CELF2: variants seen among roughly 807,000 people sequenced by gnomAD.
CELF2 encodes CUG triplet repeat RNA-binding protein 2.
CELF2 carries 8 observed loss-of-function variants against 62.6 expected under a neutral mutation model. That is an observed-to-expected ratio of 0.13 (90% CI 0.07 to 0.23). CELF2 has a LOEUF of 0.23. Among genes scored for constraint, CELF2 ranks in the 10% least tolerant of loss-of-function variants. The pLI is 1.00. For missense variants in CELF2, 333 were observed against 671.0 expected, an observed-to-expected ratio of 0.50 and a Z score of 5.56; for synonymous variants, 258 against 250.0, an observed-to-expected ratio of 1.03 and a Z score of -0.30.
chr10:11,019,620 G>A (rs2057978089), intron 1 of CELF2, among the ~76,000 whole-genome samples: 1 of 152,058 alleles, frequency 6.6e-6, no homozygotes, highest in Non-Finnish European at 1.5e-5. Flanking sequence ...TGGAGGAGGG[G>A]GATGATAGAA....
chr10:11,236,124 C>G (rs1322388837), intron 3 of CELF2, among the ~76,000 whole-genome samples: 2 of 152,224 alleles, frequency 1.3e-5, no homozygotes, highest in African/African-American at 4.8e-5. Flanking sequence ...GCAACTCAGA[C>G]AACTCAGGAC....
chr10:10,841,523 T>A (rs1322744501), intron 1 of CELF2, among the ~76,000 whole-genome samples: 1 of 151,906 alleles, frequency 6.6e-6, no homozygotes, highest in Non-Finnish European at 1.5e-5. Context: ...TACCATTCTT[T>A]CCCCATTGAA....
At chr10:11,054,522 T>TG (rs2064776390) in intron 1 of CELF2, among the ~76,000 whole-genome samples, 1 of 151,544 alleles carries the variant, frequency 6.6e-6, no homozygotes, top group African/African-American at 2.4e-5. Flanking sequence ...TGTGTGTGTG[T>TG]TAATAGGACC....
chr10:10,571,826 C>A, the CELF2 span, among the ~76,000 whole-genome samples: 2 of 152,064 alleles, frequency 1.3e-5, no homozygotes, highest in Non-Finnish European at 2.9e-5. Flanking sequence ...TAGGCACGGA[C>A]GGAATTCTAT....
rs1032915075 is a variant in CELF2, at chr10:11,117,523, G to T, written c.75-47963G>T. The stretch of plus-strand genomic sequence containing the variant: ...CTAGAGGCCACTCCTTTAGACCTAG[G>T]TCCATCTTGAGGTGTTGTTATACAG... On this transcript the variant is annotated intron_variant, in intron 1 of 12. Transcript: ENST00000633077. This position sits in a 1 kb window ranked among gnomAD's most constrained non-coding sequence, Gnocchi z 4.1. 1.3e-5 allele frequency among the ~76,000 whole-genome samples: 2 copies of T among 152,090 alleles called. No individual in the cohort carries two copies. The highest frequency in any genetic ancestry group is 4.8e-5 in the African/African-American group (2 of 41,378).
At chr10:10,696,282 C>T in the CELF2 span, among the ~76,000 whole-genome samples, 21 of 151,672 alleles carry the variant, frequency 1.4e-4, no homozygotes, top group Non-Finnish European at 2.8e-4. Context: ...TCAGTGTGCC[C>T]CTGCTGGGGG....
the CELF2 span, among the ~76,000 whole-genome samples, chr10:10,485,495 T>C: frequency 1.3e-5 from 2 of 152,206 alleles, no homozygotes; most frequent in African/African-American, 4.8e-5. Flanking sequence ...GACAAATACA[T>C]GCAAGGCTGC....
At chr10:10,754,292 G>A in the CELF2 span, among the ~76,000 whole-genome samples, 12 of 151,832 alleles carry the variant, frequency 7.9e-5, no homozygotes, top group East Asian at 1.5e-3. Flanking sequence ...CTGTAAGTAC[G>A]TGCCTCGATG....
chr10:10,755,261 C>G, the CELF2 span, among the ~76,000 whole-genome samples: 2 of 152,196 alleles, frequency 1.3e-5, no homozygotes, highest in Non-Finnish European at 2.9e-5. Flanking sequence ...AGAGTGAGAA[C>G]ATGAGTTTCT....
In CELF2 at chr10:11,110,821, C is replaced by T. The variant is rs528803521; in HGVS notation, c.75-54665C>T. Among the ~76,000 whole-genome samples the T allele has an allele frequency of 2.8e-4, 42 of 152,280 alleles. No individual in the cohort carries two copies. The South Asian group carries it at 6.2e-3, about 23-fold the overall frequency. On this transcript the variant is annotated intron_variant, in intron 1 of 12. Coordinates refer to ENST00000633077, the MANE Select transcript of CELF2 (RefSeq NM_001326342.2). This position sits in a 1 kb window ranked among gnomAD's most constrained non-coding sequence, Gnocchi z 4.0. Reference sequence around the variant, plus strand: ...AAGGAACTGCAACCCTGACCTTAACCACCACCTCATTTCATGCCCGAGAGC... The same window carrying T: ...AAGGAACTGCAACCCTGACCTTAACTACCACCTCATTTCATGCCCGAGAGC...
chr10:10,616,526 A>G, the CELF2 span, among the ~76,000 whole-genome samples: 3 of 151,922 alleles, frequency 2.0e-5, no homozygotes, highest in Non-Finnish European at 2.9e-5. Flanking sequence ...TATAAATGGG[A>G]TTCTATAGAA....
At chr10:10,803,610 T>C (rs564418598) in intron 1 of CELF2, among the ~76,000 whole-genome samples, 1 of 152,348 alleles carries the variant, frequency 6.6e-6, no homozygotes, top group Admixed American at 6.5e-5. Flanking sequence ...ATGGACTGAA[T>C]CATAGGCAAC....
chr10:11,221,410 ATAAAG>A (rs1352128584), intron 3 of CELF2, among the ~76,000 whole-genome samples: 1 of 152,260 alleles, frequency 6.6e-6, no homozygotes, highest in Non-Finnish European at 1.5e-5. Context: ...CAATTAAAAA[ATAAAG>A]TAAAATAGAG....
chr10:10,793,204 C>G, the CELF2 span, among the ~76,000 whole-genome samples: 1 of 152,248 alleles, frequency 6.6e-6, no homozygotes, highest in Middle Eastern at 3.4e-3. Flanking sequence ...AGGACCAAAA[C>G]ACATATCTTT....
At chr10:10,564,682 G>GCGCACA in the CELF2 span, among the ~76,000 whole-genome samples, 143 of 130,782 alleles carry the variant, frequency 1.1e-3, 1 homozygote, top group African/African-American at 3.4e-3. Context: ...ACGCACACAC[G>GCGCACA]CACACACACA....
At chr10:10,592,975 A>G in the CELF2 span, among the ~76,000 whole-genome samples, 1 of 152,184 alleles carries the variant, frequency 6.6e-6, no homozygotes, top group South Asian at 2.1e-4. Context: ...CAAAGAAGAA[A>G]TATAAGACAA....
chr10:10,530,308 T>TA, the CELF2 span, among the ~76,000 whole-genome samples: 1 of 152,088 alleles, frequency 6.6e-6, no homozygotes, highest in Non-Finnish European at 1.5e-5. Context: ...GCTACAAGGG[T>TA]TTGTGATAAA....
At position 11,207,261 on chromosome 10, in the gene CELF2, G is replaced by A. The variant is rs1255137721; in HGVS notation, c.272-10164G>A. On this transcript the variant is annotated intron_variant, in intron 2 of 12. Coordinates refer to ENST00000633077, the MANE Select transcript of CELF2 (RefSeq NM_001326342.2). This position sits in a 1 kb window ranked among gnomAD's most constrained non-coding sequence, Gnocchi z 4.1. ...TTAATCTAGGTCAAAAGGAAAGAAA[G>A]AAACTCCATTTTCCTCGCAGAAAAC... 6.6e-6 allele frequency among the ~76,000 whole-genome samples: 1 copy of A among 152,176 alleles called. No individual in the cohort carries two copies. Among genetic ancestry groups the A allele is most frequent in the Non-Finnish European group, 1.5e-5 (1 of 68,006 alleles).
At chr10:11,277,843 G>A (rs1048215401) in intron 8 of CELF2, among the ~76,000 whole-genome samples, 1 of 152,182 alleles carries the variant, frequency 6.6e-6, no homozygotes, top group African/African-American at 2.4e-5. Flanking sequence ...TTGATACTGT[G>A]TCCTACGTAG....
Sources: gnomAD v4.1 joint callset for allele counts (sites outside exome capture counted in the v4.1 genomes callset) on GRCh38, gnomAD v4.1.1 for gene constraint, Gnocchi (gnomAD v3.1) non-coding constraint, MANE v1.5 for transcripts, NCBI Gene and HGNC (gene_info 2026-07-23, HGNC 2026-07-21) for gene names.